The following PTPRT variants were observed in gnomAD, a reference collection of about 807,000 sequenced individuals.
PTPRT encodes the protein receptor-type tyrosine-protein phosphatase T.
A neutral mutation model predicts 176.8 loss-of-function variants in PTPRT; 56 were observed. The observed-to-expected ratio is 0.32, with a 90% CI of 0.26 to 0.40. The LOEUF (loss-of-function observed/expected upper bound fraction) is 0.40. Among genes scored for constraint, PTPRT ranks in the 10% least tolerant of loss-of-function variants. PTPRT has a pLI of 1.00. For synonymous variants in PTPRT, 783 were observed against 739.0 expected (o/e 1.06, Z -0.96); for missense variants, 1,540 against 1,908.2 (o/e 0.81, Z 3.60).
chr20:43,160,668 T>A (rs6030674), intron 1 of PTPRT, among the ~76,000 whole-genome samples: 145,962 of 151,584 alleles, frequency 0.96, 70,452 homozygotes, highest in East Asian at 1. Context: ...TGAAAGAATA[T>A]TTTTTTTTTA....
chr20:42,474,368 A>G lies in PTPRT; in HGVS notation c.1154-1806T>C, dbSNP rs73618849. 4.3e-3 allele frequency among the ~76,000 whole-genome samples: 657 copies of G among 152,254 alleles called. 40 individuals are homozygous for G. In the East Asian group the frequency reaches 0.1, roughly 24 times the overall value. ...ATCCTGTAACTTGTGTCGGCGTCCT[A>G]CCAAGGAACATAGTTCACAGGAATG... On this transcript the variant is annotated intron_variant, in intron 7 of 30. Coordinates refer to ENST00000373187, the MANE Select transcript of PTPRT (RefSeq NM_007050.6).
the PTPRT span, among the ~76,000 whole-genome samples, chr20:42,060,566 A>G: frequency 6.6e-6 from 1 of 152,166 alleles, no homozygotes; most frequent in Non-Finnish European, 1.5e-5. Context: ...TAAGTCTTAC[A>G]AGATCTGATG....
chr20:42,746,731 C>T (rs188895241), intron 6 of PTPRT, among the ~76,000 whole-genome samples: 93 of 152,178 alleles, frequency 6.1e-4, no homozygotes, highest in African/African-American at 2.2e-3. Context: ...ATGAAACTCA[C>T]GCAGAAGATG....
intron 1 of PTPRT, among the ~76,000 whole-genome samples, chr20:42,943,906 C>T (rs1282311160): frequency 1.3e-5 from 2 of 152,212 alleles, no homozygotes; most frequent in East Asian, 3.9e-4. Flanking sequence ...GCAGTCCCAG[C>T]TACTTAGGAG....
At chr20:43,124,378 A>T (rs1187450935) in intron 1 of PTPRT, among the ~76,000 whole-genome samples, 1 of 152,184 alleles carries the variant, frequency 6.6e-6, no homozygotes. Flanking sequence ...TCAACTATAA[A>T]TTAGATTCTG....
At chr20:43,021,596 G>A (rs965341307) in intron 1 of PTPRT, among the ~76,000 whole-genome samples, 3 of 152,034 alleles carry the variant, frequency 2.0e-5, no homozygotes, top group Non-Finnish European at 4.4e-5. Context: ...GGCTGGGCTG[G>A]GGTGTCTCAG....
At chr20:42,890,454 C>A (rs541227002) in intron 1 of PTPRT, among the ~76,000 whole-genome samples, 1 of 152,120 alleles carries the variant, frequency 6.6e-6, no homozygotes, top group Non-Finnish European at 1.5e-5. Context: ...AAGGGCTGAA[C>A]AAGATGATTG....
At position 42,999,675 on chromosome 20, in the gene PTPRT, C is replaced by T. The variant is rs1423337578; in HGVS notation, c.89-113743G>A. Among the ~76,000 whole-genome samples, 8 of 151,628 alleles carry T rather than the reference C, an allele frequency of 5.3e-5. No individual in the cohort carries two copies. The East Asian group carries it at 9.8e-4, about 18-fold the overall frequency. Reference sequence around the variant, plus strand: ...TGTTTTAATCAGCTGGGCATGATGGCGCATGCCTGTAGTCCTAGCTACTTA... The same window carrying T: ...TGTTTTAATCAGCTGGGCATGATGGTGCATGCCTGTAGTCCTAGCTACTTA... On this transcript the variant is annotated intron_variant, in intron 1 of 30. Coordinates refer to ENST00000373187, the MANE Select transcript of PTPRT (RefSeq NM_007050.6).
At chr20:42,423,332 T>C (rs1600999766) in intron 9 of PTPRT, among the ~76,000 whole-genome samples, 1 of 151,968 alleles carries the variant, frequency 6.6e-6, no homozygotes, top group Admixed American at 6.6e-5. Context: ...ATAGGCTAGG[T>C]ATCAGGCCCC....
chr20:42,443,379 G>T (rs6072747), intron 9 of PTPRT, among the ~76,000 whole-genome samples: 46,221 of 152,122 alleles, frequency 0.3, 7,427 homozygotes, highest in Middle Eastern at 0.43. Flanking sequence ...GCCTGCAAGT[G>T]ATGTTAATGA....
intron 1 of PTPRT, among the ~76,000 whole-genome samples, chr20:42,929,299 ATAATT>A (rs1483588944): frequency 1.3e-5 from 2 of 152,284 alleles, no homozygotes; most frequent in African/African-American, 2.4e-5. Flanking sequence ...GTCATTATCA[ATAATT>A]TAGAGTTCCA....
intron 12 of PTPRT, among the ~76,000 whole-genome samples, chr20:42,294,432 A>C (rs2057359232): frequency 6.6e-6 from 1 of 152,102 alleles, no homozygotes; most frequent in Admixed American, 6.6e-5. Flanking sequence ...AATTTTTAGA[A>C]TCACAAAAGC....
the PTPRT span, among the ~76,000 whole-genome samples, chr20:42,050,456 C>T: frequency 6.6e-6 from 1 of 152,118 alleles, no homozygotes; most frequent in Non-Finnish European, 1.5e-5. Context: ...CTCAGGAAAT[C>T]TAGCTCTGAG....
At chr20:42,612,589 T>A (rs913903030) in intron 7 of PTPRT, among the ~76,000 whole-genome samples, 3 of 152,126 alleles carry the variant, frequency 2.0e-5, no homozygotes, top group Non-Finnish European at 4.4e-5. Context: ...TAAAAGACCT[T>A]GTATTTCAAG....
chr20:42,282,286 G>A (rs904273068), intron 13 of PTPRT, among the ~76,000 whole-genome samples: 6 of 152,058 alleles, frequency 3.9e-5, no homozygotes, highest in Admixed American at 1.3e-4. Context: ...CAGTAAATAT[G>A]TTTTAAACTT....
chr20:43,001,804 A>C (rs1052648162), intron 1 of PTPRT, among the ~76,000 whole-genome samples: 1 of 152,192 alleles, frequency 6.6e-6, no homozygotes, highest in African/African-American at 2.4e-5. Flanking sequence ...CACAATAAAG[A>C]TATAAGTGTC....
At chr20:42,715,576 A>G (rs2076210683) in intron 6 of PTPRT, among the ~76,000 whole-genome samples, 1 of 152,180 alleles carries the variant, frequency 6.6e-6, no homozygotes, top group Non-Finnish European at 1.5e-5. Context: ...CCTTGAATAT[A>G]AAAGCAGATC....
chr20:42,463,012 T>G (rs2071045941), intron 8 of PTPRT, among the ~76,000 whole-genome samples: 1 of 152,150 alleles, frequency 6.6e-6, no homozygotes, highest in Non-Finnish European at 1.5e-5. Flanking sequence ...TATCACCTGG[T>G]AGGTCTGTGG....
intron 2 of PTPRT, among the ~76,000 whole-genome samples, chr20:42,814,656 T>A (rs562595252): frequency 1.3e-5 from 2 of 152,358 alleles, no homozygotes; most frequent in East Asian, 1.9e-4. Flanking sequence ...GACTGCCATC[T>A]TTAGTGCCAT....
Sources: allele counts gnomAD v4.1 joint callset (sites outside exome capture counted in the v4.1 genomes callset), GRCh38; gene constraint gnomAD v4.1.1; transcripts MANE v1.5; gene names NCBI Gene and HGNC (gene_info 2026-07-23, HGNC 2026-07-21).